LINGO2: variants seen among roughly 807,000 people sequenced by gnomAD.
LINGO2 encodes leucine-rich repeat and immunoglobulin-like domain-containing nogo receptor-interacting protein 2.
A neutral mutation model predicts 30.6 loss-of-function variants in LINGO2; 14 were observed. The observed-to-expected ratio is 0.46, with a 90% CI of 0.30 to 0.72. LINGO2 has a LOEUF of 0.72. LINGO2 is among the 30% of genes least tolerant of loss of function. The pLI is 0.07. For synonymous variants in LINGO2, 317 were observed against 288.5 expected, an observed-to-expected ratio of 1.10 and a Z score of -1.00; for missense variants, 729 against 751.7, an observed-to-expected ratio of 0.97 and a Z score of 0.35.
At chr9:28,544,795 TATA>T (rs1423220767) in intron 1 of LINGO2, among the ~76,000 whole-genome samples, 1 of 149,728 alleles carries the variant, frequency 6.7e-6, no homozygotes, top group Non-Finnish European at 1.5e-5. Flanking sequence ...ATTCTATTAT[TATA>T]ATAAGAAAGC....
At chr9:28,626,101 T>A (rs987620627) in intron 1 of LINGO2, among the ~76,000 whole-genome samples, 3 of 152,186 alleles carry the variant, frequency 2.0e-5, no homozygotes, top group African/African-American at 7.2e-5. Flanking sequence ...CTCATTCTTT[T>A]AAATTGTAAC....
the LINGO2 span, among the ~76,000 whole-genome samples, chr9:28,894,416 A>C: frequency 6.6e-6 from 1 of 152,234 alleles, no homozygotes; most frequent in South Asian, 2.1e-4. Context: ...GATGTCTTTC[A>C]CATTATATAG....
chr9:28,865,365 A>G, the LINGO2 span, among the ~76,000 whole-genome samples: 1 of 152,164 alleles, frequency 6.6e-6, no homozygotes, highest in East Asian at 1.9e-4. Context: ...CTCTTCATCA[A>G]GTGTCACACT....
chr9:28,611,305 C>A (rs1433146413), intron 1 of LINGO2, among the ~76,000 whole-genome samples: 4 of 152,074 alleles, frequency 2.6e-5, no homozygotes, highest in Admixed American at 1.3e-4. Context: ...AAATCACTAC[C>A]ATAATCAAGC....
the LINGO2 span, among the ~76,000 whole-genome samples, chr9:29,096,060 A>G: frequency 1.4e-5 from 2 of 138,880 alleles, 1 homozygote; most frequent in East Asian, 5.0e-4. Context: ...AGCTCTTTTC[A>G]GAAGCCCAAT....
At chr9:28,756,564 C>T in the LINGO2 span, among the ~76,000 whole-genome samples, 1 of 151,810 alleles carries the variant, frequency 6.6e-6, no homozygotes, top group East Asian at 1.9e-4. Flanking sequence ...TTGTTTGGCT[C>T]GGTGTCCCAA....
intron 3 of LINGO2, among the ~76,000 whole-genome samples, chr9:28,316,988 A>T (rs1168644682): frequency 3.9e-5 from 6 of 152,126 alleles, no homozygotes; most frequent in Admixed American, 3.9e-4. Flanking sequence ...TGGCTATTTC[A>T]CCTACATGAC....
chr9:28,453,822 C>T (rs1358080978), intron 2 of LINGO2, among the ~76,000 whole-genome samples: 2 of 151,988 alleles, frequency 1.3e-5, no homozygotes, highest in African/African-American at 4.8e-5. Context: ...TAATTCTTTA[C>T]TCAGTGTCAG....
chr9:28,455,397 T>G (rs1824806330), intron 2 of LINGO2, among the ~76,000 whole-genome samples: 1 of 152,126 alleles, frequency 6.6e-6, no homozygotes, highest in African/African-American at 2.4e-5. Context: ...ATTTGCAAAG[T>G]AATCTGAGCA....
At chr9:29,016,971 C>T in the LINGO2 span, among the ~76,000 whole-genome samples, 4 of 152,156 alleles carry the variant, frequency 2.6e-5, no homozygotes, top group East Asian at 1.9e-4. Context: ...GAGATTGACA[C>T]CGCACTTCAC....
intron 4 of LINGO2, among the ~76,000 whole-genome samples, chr9:28,206,724 A>G (rs1454025532): frequency 6.6e-6 from 1 of 152,210 alleles, no homozygotes; most frequent in Admixed American, 6.5e-5. Flanking sequence ...AAAGACAAGA[A>G]TAATACCAGT....
At chr9:28,059,095 T>C (rs562261372) in intron 4 of LINGO2, among the ~76,000 whole-genome samples, 26 of 152,106 alleles carry the variant, frequency 1.7e-4, no homozygotes, top group Non-Finnish European at 3.4e-4. Flanking sequence ...GGAGGGAAAC[T>C]GAGGCAGGGC....
At chr9:28,924,591 C>T in the LINGO2 span, among the ~76,000 whole-genome samples, 6 of 152,094 alleles carry the variant, frequency 3.9e-5, no homozygotes, top group African/African-American at 1.4e-4. Flanking sequence ...TAGTGCAGTC[C>T]AGCAGGTAAT....
the LINGO2 span, among the ~76,000 whole-genome samples, chr9:29,086,774 C>T: frequency 4.6e-5 from 7 of 152,194 alleles, no homozygotes; most frequent in East Asian, 3.9e-4. Flanking sequence ...TTACAGAGTG[C>T]GCTCTATATG....
chr9:28,735,425 A>G, the LINGO2 span, among the ~76,000 whole-genome samples: 1 of 152,174 alleles, frequency 6.6e-6, no homozygotes, highest in Non-Finnish European at 1.5e-5. Flanking sequence ...CTGATGCTTT[A>G]TCAATTAGAA....
chr9:28,802,836 C>T, the LINGO2 span, among the ~76,000 whole-genome samples: 2 of 151,988 alleles, frequency 1.3e-5, no homozygotes, highest in African/African-American at 4.8e-5. Context: ...GGCTCTAGTT[C>T]TCTCACTGCT....
chr9:29,125,791 C>A, the LINGO2 span, among the ~76,000 whole-genome samples: 3 of 152,044 alleles, frequency 2.0e-5, no homozygotes, highest in African/African-American at 4.8e-5. Context: ...TGCGTACATG[C>A]TCATGAACAT....
the LINGO2 span, among the ~76,000 whole-genome samples, chr9:28,818,139 G>A: frequency 6.6e-6 from 1 of 152,148 alleles, no homozygotes; most frequent in Admixed American, 6.5e-5. Context: ...CTAAGACCTG[G>A]TTAATGCAGC....
At chr9:28,225,805 AAATAAT>A (rs1373216951) in intron 4 of LINGO2, among the ~76,000 whole-genome samples, 1 of 152,134 alleles carries the variant, frequency 6.6e-6, no homozygotes, top group African/African-American at 2.4e-5. Flanking sequence ...ATAAAAATAG[AAATAAT>A]GAGATTCCTT....
Sources: allele counts gnomAD v4.1 joint callset (sites outside exome capture counted in the v4.1 genomes callset), GRCh38; gene constraint gnomAD v4.1.1; transcripts MANE v1.5; gene names NCBI Gene and HGNC (gene_info 2026-07-23, HGNC 2026-07-21).